The following LRP1B variants were observed in gnomAD, a reference collection of about 807,000 sequenced individuals.
LRP1B encodes LDL receptor related protein 1B, also known as low-density lipoprotein receptor-related protein 1B.
In LRP1B, 217 loss-of-function variants were observed where a neutral mutation model predicts 556.6. That is an observed-to-expected ratio of 0.39 (90% CI 0.35 to 0.44). LRP1B has a LOEUF of 0.44. Among genes scored for constraint, LRP1B ranks in the 20% least tolerant of loss-of-function variants. The pLI, the probability that LRP1B is intolerant of heterozygous loss-of-function variation, is 1.00. For missense variants in LRP1B, 5,053 were observed against 5,620.8 expected, an observed-to-expected ratio of 0.90 and a Z score of 3.23; for synonymous variants, 2,047 against 1,865.8, an observed-to-expected ratio of 1.10 and a Z score of -2.50.
intron 2 of LRP1B, among the ~76,000 whole-genome samples, chr2:141,733,432 A>T (rs1693354318): frequency 6.6e-6 from 1 of 152,006 alleles, no homozygotes; most frequent in African/African-American, 2.4e-5. Flanking sequence ...CTCTCACCTG[A>T]CTATTATAGC....
intron 1 of LRP1B, among the ~76,000 whole-genome samples, chr2:142,054,095 G>T (rs1410919724): frequency 3.9e-5 from 6 of 151,962 alleles, no homozygotes; most frequent in Non-Finnish European, 4.4e-5. Flanking sequence ...TTTTTATAAG[G>T]GCAAATATGT....
chr2:141,438,896 C>T (rs1680862747), intron 3 of LRP1B, among the ~76,000 whole-genome samples: 1 of 152,068 alleles, frequency 6.6e-6, no homozygotes, highest in Non-Finnish European at 1.5e-5. Flanking sequence ...TGTTTACTAT[C>T]TTTGAGAGAA....
At chr2:141,034,509 A>G (rs2075521012) in intron 11 of LRP1B, among the ~76,000 whole-genome samples, 1 of 152,140 alleles carries the variant, frequency 6.6e-6, no homozygotes, top group Non-Finnish European at 1.5e-5. Context: ...AAACAAATTT[A>G]CAAGAAAAAA....
At chr2:141,489,281 C>A (rs937303506) in intron 2 of LRP1B, among the ~76,000 whole-genome samples, 10 of 151,806 alleles carry the variant, frequency 6.6e-5, no homozygotes, top group African/African-American at 2.2e-4. Flanking sequence ...AGCCACTACA[C>A]CTTGGCCTCT....
intron 67 of LRP1B, among the ~76,000 whole-genome samples, chr2:140,381,333 G>GA (rs1192539224): frequency 4.0e-5 from 6 of 151,888 alleles, no homozygotes; most frequent in Middle Eastern, 6.8e-3. Flanking sequence ...TAACCCATCT[G>GA]AAAAAAAAGT....
intron 32 of LRP1B, among the ~76,000 whole-genome samples, chr2:140,800,088 G>T (rs1159109324): frequency 6.6e-6 from 1 of 152,172 alleles, no homozygotes; most frequent in African/African-American, 2.4e-5. Context: ...ATGAGTTCAT[G>T]TCCTTTGTAG....
intron 60 of LRP1B, among the ~76,000 whole-genome samples, chr2:140,466,386 A>G (rs905500598): frequency 3.9e-5 from 6 of 152,148 alleles, no homozygotes; most frequent in Non-Finnish European, 8.8e-5. Flanking sequence ...AAATCCAAAC[A>G]CAGAACTGCC....
intron 2 of LRP1B, among the ~76,000 whole-genome samples, chr2:141,483,473 T>C (rs1683000211): frequency 8.7e-6 from 1 of 115,306 alleles, no homozygotes; most frequent in South Asian, 2.9e-4. Context: ...TTTGGGTATA[T>C]AGCCAGTAAT....
intron 2 of LRP1B, among the ~76,000 whole-genome samples, chr2:141,726,416 G>A (rs968965884): frequency 6.6e-6 from 1 of 151,662 alleles, no homozygotes; most frequent in East Asian, 1.9e-4. Context: ...CTAAAATCGG[G>A]CTTCTGAAAT....
Position 141,336,011 on chromosome 2 carries a change from G to A in LRP1B, c.344-81370C>T, listed in dbSNP as rs562270810. 2.0e-5 allele frequency among the ~76,000 whole-genome samples: 3 copies of A among 148,660 alleles called. No homozygotes were observed. In the East Asian group the frequency reaches 5.9e-4, roughly 29 times the overall value. ...CTTCTTTGTCTGGGATTGTGGTTTA[G>A]GCTCGATGTTATCTCAGATAGTTCA... On this transcript the variant is annotated intron_variant, in intron 3 of 90. Coordinates refer to ENST00000389484, the MANE Select transcript of LRP1B (RefSeq NM_018557.3).
At chr2:141,023,795 A>G (rs1024730317) in intron 11 of LRP1B, among the ~76,000 whole-genome samples, 8 of 152,042 alleles carry the variant, frequency 5.3e-5, no homozygotes, top group African/African-American at 1.9e-4. Flanking sequence ...CTGACTAAAA[A>G]TTATACCCAA....
At chr2:141,032,826 C>CATACATACATACATACATAT in intron 11 of LRP1B, among the ~76,000 whole-genome samples, 3 of 126,610 alleles carry the variant, frequency 2.4e-5, no homozygotes, top group Non-Finnish European at 3.3e-5. Flanking sequence ...TATATACATA[C>CATACATACATACATACATAT]ATATATATAT....
At chr2:141,917,541 T>C (rs1228880776) in intron 1 of LRP1B, among the ~76,000 whole-genome samples, 1 of 152,206 alleles carries the variant, frequency 6.6e-6, no homozygotes, top group Non-Finnish European at 1.5e-5. Context: ...AAGTGAGACA[T>C]ACATCTCTCT....
chr2:142,126,209 G>A (rs547307856), intron 1 of LRP1B, among the ~76,000 whole-genome samples: 131 of 151,716 alleles, frequency 8.6e-4, no homozygotes, highest in Non-Finnish European at 1.4e-3. Flanking sequence ...ATATCGAAAT[G>A]TATTAGAATA....
Position 140,718,921 on chromosome 2 carries a change from C to T in LRP1B, c.5759-2105G>A, listed in dbSNP as rs1378890689. 2.6e-5 allele frequency among the ~76,000 whole-genome samples: 4 copies of T among 151,902 alleles called. No homozygotes were observed. The East Asian group carries it at 7.7e-4, about 29-fold the overall frequency. ...TCTCAGCTGTCTTAGCTCAAATATC[C>T]CCTTCTTATTGAAACTTTCCTGCCT... On this transcript the variant is annotated intron_variant, in intron 35 of 90. Transcript: ENST00000389484.
intron 53 of LRP1B, 62 bp downstream of exon 53, chr2:140,506,734 A>G (rs1332943767): frequency 2.6e-6 from 4 of 1,547,450 alleles, no homozygotes; most frequent in East Asian, 4.6e-5. Flanking sequence ...TTTTATTTAC[A>G]TACTAGTTTT....
intron 37 of LRP1B, among the ~76,000 whole-genome samples, chr2:140,710,522 T>C (rs1271860206): frequency 1.3e-5 from 2 of 152,006 alleles, no homozygotes; most frequent in Non-Finnish European, 2.9e-5. Flanking sequence ...TCACTATATA[T>C]GCATGATTTA....
intron 87 of LRP1B, among the ~76,000 whole-genome samples, chr2:140,242,704 G>A (rs182195807): frequency 4.6e-5 from 7 of 151,118 alleles, no homozygotes; most frequent in Non-Finnish European, 8.9e-5. Context: ...GAGGCTTAAG[G>A]AGCAAATCCT....
At chr2:140,506,119 T>G (rs905158065) in intron 53 of LRP1B, among the ~76,000 whole-genome samples, 2 of 89,944 alleles carry the variant, frequency 2.2e-5, no homozygotes, top group Non-Finnish European at 5.5e-5. Context: ...CTGAATTATG[T>G]TTTTTTTACT....
Sources: allele counts gnomAD v4.1 joint callset (sites outside exome capture counted in the v4.1 genomes callset), GRCh38; gene constraint gnomAD v4.1.1; transcripts MANE v1.5; gene names NCBI Gene and HGNC (gene_info 2026-07-23, HGNC 2026-07-21).